The following SKA2 variants were observed in gnomAD, a reference collection of about 807,000 sequenced individuals.
SKA2 encodes spindle and kinetochore-associated protein 2.
In SKA2, 13 loss-of-function variants were observed where a neutral mutation model predicts 16.9. That is an observed-to-expected ratio of 0.77 (90% CI 0.50 to 1.22). The LOEUF (loss-of-function observed/expected upper bound fraction) is 1.22, where lower values mean the gene tolerates loss of function less well. Ranked by LOEUF, SKA2 falls within the 50% of genes most tolerant of loss-of-function variation. The pLI is 0.00. For missense variants in SKA2, 107 were observed against 139.7 expected (o/e 0.77, Z 1.18); for synonymous variants, 47 against 48.5 (o/e 0.97, Z 0.13).
At chr17:59,127,420 G>T (rs566673173) in intron 2 of SKA2, among the ~76,000 whole-genome samples, 10 of 152,042 alleles carry the variant, frequency 6.6e-5, no homozygotes, top group South Asian at 4.1e-4. Flanking sequence ...AGACAGTCTT[G>T]ATCTGTCGCC....
chr17:59,118,619 T>G (rs2046312340), intron 3 of SKA2, among the ~76,000 whole-genome samples: 1 of 152,214 alleles, frequency 6.6e-6, no homozygotes, highest in South Asian at 2.1e-4. Context: ...TTTACTAGCA[T>G]GTGACACAAC....
At chr17:59,127,550 G>A (rs990473288) in intron 2 of SKA2, among the ~76,000 whole-genome samples, 3 of 151,872 alleles carry the variant, frequency 2.0e-5, no homozygotes, top group Admixed American at 1.3e-4. Flanking sequence ...CACCACGCCC[G>A]GCTAATTTTG....
At chr17:59,134,469 G>T (rs530371970) in intron 1 of SKA2, among the ~76,000 whole-genome samples, 6 of 152,134 alleles carry the variant, frequency 3.9e-5, no homozygotes, top group Non-Finnish European at 8.8e-5. Context: ...TTTATGAAAC[G>T]AAGTATTAAA....
Position 59,148,826 on chromosome 17 carries a change from A to AAAAAG in SKA2, c.33+6300_33+6304dup, listed in dbSNP as rs1555713596. ...CCTGTCTCAAAAAAAAAAAAAAAAA[A>AAAAAG]AAAAGAAAAGAAAATAGGCAAAAGA... On this transcript the variant is annotated intron_variant, in intron 1 of 3. Coordinates refer to ENST00000330137, the MANE Select transcript of SKA2 (RefSeq NM_182620.4). Among the ~76,000 whole-genome samples the AAAAAG allele has an allele frequency of 5.9e-4, 88 of 148,198 alleles. 1 individual carries two copies. The highest frequency in any genetic ancestry group is 7.3e-4 in the African/African-American group (29 of 39,842).
chr17:59,117,730 C>T (rs1254082407), intron 3 of SKA2, among the ~76,000 whole-genome samples: 1 of 151,898 alleles, frequency 6.6e-6, no homozygotes, highest in Non-Finnish European at 1.5e-5. Context: ...CAGCATACTA[C>T]CTCATTTTTA....
intron 2 of SKA2, among the ~76,000 whole-genome samples, chr17:59,129,917 G>A: frequency 8.1e-6 from 1 of 123,544 alleles, no homozygotes; most frequent in Non-Finnish European, 1.7e-5. Context: ...GGGAGGGAGG[G>A]AGGGAAGGAA....
intron 1 of SKA2, chr17:59,154,814 C>A: frequency 1.2e-6 from 1 of 866,904 alleles, no homozygotes; most frequent in Non-Finnish European, 1.8e-6. Flanking sequence ...TTTTTTGGTA[C>A]AAACACAGAA....
chr17:59,138,246 A>G (rs1218058888), intron 1 of SKA2, among the ~76,000 whole-genome samples: 1 of 151,962 alleles, frequency 6.6e-6, no homozygotes, highest in Non-Finnish European at 1.5e-5. Flanking sequence ...CCCAAGGGAA[A>G]CCAGGTTACA....
intron 1 of SKA2, among the ~76,000 whole-genome samples, chr17:59,147,405 C>T (rs2046542068): frequency 6.6e-6 from 1 of 151,254 alleles, no homozygotes; most frequent in Non-Finnish European, 1.5e-5. Flanking sequence ...CACACACACA[C>T]ACACACATTT....
At chr17:59,120,924 G>A (rs916412959) in intron 2 of SKA2, among the ~76,000 whole-genome samples, 7 of 151,978 alleles carry the variant, frequency 4.6e-5, no homozygotes, top group African/African-American at 1.5e-4. Context: ...AGGCCGAGGC[G>A]GGCAGATCAT....
intron 2 of SKA2, among the ~76,000 whole-genome samples, chr17:59,119,955 C>G (rs2046321491): frequency 6.6e-6 from 1 of 151,102 alleles, no homozygotes; most frequent in South Asian, 2.1e-4. Context: ...GTTGCCCAGG[C>G]TGGAGTGCAG....
At chr17:59,131,653 T>C (rs1458136905) in intron 1 of SKA2, among the ~76,000 whole-genome samples, 1 of 152,172 alleles carries the variant, frequency 6.6e-6, no homozygotes, top group East Asian at 1.9e-4. Flanking sequence ...CAGATATTAA[T>C]ACAAAAAACT....
chr17:59,130,009 AAGAG>A lies in SKA2; in HGVS notation c.120+1268_120+1271del, dbSNP rs774761537. ...AAGGGGAAGGGAAGGAAGAGAGAAA[AAGAG>A]AGGGAGGGAGGAAGAGAGAAAGAGG... On this transcript the variant is annotated intron_variant, in intron 2 of 3. Coordinates refer to ENST00000330137, the MANE Select transcript of SKA2 (RefSeq NM_182620.4). 5.5e-4 allele frequency among the ~76,000 whole-genome samples: 72 copies of A among 131,412 alleles called. 3 individuals are homozygous for A. The highest frequency in any genetic ancestry group is 4.7e-3 in the East Asian group (17 of 3,636). 86.2% of individuals were successfully genotyped at this position (131,412 alleles called of 152,430 possible). A position where few individuals can be genotyped will look rare whatever the true frequency, so the allele number is the denominator to read the frequency against.
intron 1 of SKA2, among the ~76,000 whole-genome samples, chr17:59,135,166 C>T (rs1433293660): frequency 6.6e-6 from 1 of 151,890 alleles, no homozygotes; most frequent in African/African-American, 2.4e-5. Flanking sequence ...ACTATGGTTT[C>T]CTGCAATACC....
intron 3 of SKA2, among the ~76,000 whole-genome samples, chr17:59,116,961 G>A (rs1202730191): frequency 1.3e-5 from 2 of 151,698 alleles, no homozygotes; most frequent in Non-Finnish European, 2.9e-5. Context: ...TACTACAGGC[G>A]TGCAACACCA....
chr17:59,124,623 A>G (rs1016918779), intron 2 of SKA2, among the ~76,000 whole-genome samples: 5 of 152,188 alleles, frequency 3.3e-5, no homozygotes, highest in Non-Finnish European at 5.9e-5. Context: ...GAGTTCCCCA[A>G]ATACAGATTC....
chr17:59,141,563 C>T (rs536422077), intron 1 of SKA2, among the ~76,000 whole-genome samples: 1 of 151,566 alleles, frequency 6.6e-6, no homozygotes, highest in South Asian at 2.1e-4. Flanking sequence ...GAAACCTCAT[C>T]TCTACAAAAA....
intron 1 of SKA2, among the ~76,000 whole-genome samples, chr17:59,149,707 A>G (rs2046562504): frequency 6.6e-6 from 1 of 152,218 alleles, no homozygotes; most frequent in African/African-American, 2.4e-5. Context: ...AATACTACTC[A>G]GCAATAAAAA....
intron 1 of SKA2, among the ~76,000 whole-genome samples, chr17:59,138,413 A>G (rs959860567): frequency 4.6e-5 from 7 of 151,518 alleles, no homozygotes; most frequent in African/African-American, 7.3e-5. Context: ...TGGATTAGGG[A>G]TGCTCAACCA....
Sources: gnomAD v4.1 joint callset for allele counts (sites outside exome capture counted in the v4.1 genomes callset) on GRCh38, gnomAD v4.1.1 for gene constraint, MANE v1.5 for transcripts, NCBI Gene and HGNC (gene_info 2026-07-23, HGNC 2026-07-21) for gene names.